Variants in SH3BP5 observed in about 807,000 individuals in gnomAD.
The protein encoded by SH3BP5 is SH3 domain binding protein 5, also known as SH3 domain-binding protein 5.
In SH3BP5, 22 loss-of-function variants were observed where a neutral mutation model predicts 43.3. That is an observed-to-expected ratio of 0.51 (90% CI 0.36 to 0.73). The LOEUF is 0.73. Among genes scored for constraint, SH3BP5 ranks in the 30% least tolerant of loss-of-function variants. The pLI is 0.00. For missense variants in SH3BP5, 529 were observed against 586.9 expected, an observed-to-expected ratio of 0.90 and a Z score of 1.02; for synonymous variants, 255 against 225.8, an observed-to-expected ratio of 1.13 and a Z score of -1.16.
chr3:15,298,756 T>C (rs1052579250), intron 3 of SH3BP5, among the ~76,000 whole-genome samples: 1 of 152,140 alleles, frequency 6.6e-6, no homozygotes, highest in Non-Finnish European at 1.5e-5. Flanking sequence ...GTAGTCAAAT[T>C]CATAGAAATA....
chr3:15,303,996 T>C (rs2125111353), intron 3 of SH3BP5, 107 bp downstream of exon 3: 2 of 880,904 alleles, frequency 2.3e-6, no homozygotes, highest in East Asian at 5.0e-5. Flanking sequence ...TTAAGACATA[T>C]TGGACTCGAG....
chr3:15,331,909 C>A (rs1279527239), intron 1 of SH3BP5: 1 of 206,944 alleles, frequency 4.8e-6, no homozygotes, highest in Non-Finnish European at 9.8e-6. Context: ...GGACGCCGTG[C>A]CATGCCCGCG....
intron 3 of SH3BP5, 89 bp downstream of exon 3, chr3:15,304,014 C>G: frequency 9.1e-7 from 1 of 1,104,224 alleles, no homozygotes. Flanking sequence ...GAGCTTCTAA[C>G]CTTCAGCAGG....
intron 3 of SH3BP5, among the ~76,000 whole-genome samples, chr3:15,283,745 C>T (rs1052557775): frequency 4.6e-5 from 7 of 152,186 alleles, no homozygotes; most frequent in Non-Finnish European, 1.0e-4. Context: ...GGATAGAGCA[C>T]TTTCAAGGAG....
chr3:15,331,987 G>T (rs1215630018), intron 1 of SH3BP5: 1 of 383,448 alleles, frequency 2.6e-6, no homozygotes, highest in Non-Finnish European at 4.7e-6. Context: ...TCCCTTTGTT[G>T]CACATCCACC....
At position 15,291,027 on chromosome 3, in the gene SH3BP5, C is replaced by T. The variant is rs953891218; in HGVS notation, c.330+13076G>A. 3.9e-5 allele frequency among the ~76,000 whole-genome samples: 6 copies of T among 152,086 alleles called. No individual in the cohort carries two copies. The East Asian group carries it at 7.7e-4, about 20-fold the overall frequency. ...TGATGTGGCCTCCCATGAAGCCCTT[C>T]GGAATTCTACCGGGAGCTGACCAGC... On this transcript the variant is annotated intron_variant, in intron 3 of 8. Transcript: ENST00000383791.
At chr3:15,320,529 G>A (rs567384315) in intron 2 of SH3BP5, among the ~76,000 whole-genome samples, 50 of 151,366 alleles carry the variant, frequency 3.3e-4, no homozygotes, top group African/African-American at 1.2e-3. Flanking sequence ...AACTCTCAAA[G>A]AGAAGGGCTG....
At chr3:15,273,851 A>G (rs1484791663) in intron 3 of SH3BP5, among the ~76,000 whole-genome samples, 1 of 152,140 alleles carries the variant, frequency 6.6e-6, no homozygotes, top group Admixed American at 6.5e-5. Flanking sequence ...GTTTGTGCCC[A>G]CCCAAATTTA....
At chr3:15,259,875 C>T in intron 5 of SH3BP5, 72 bp from the exon 6 acceptor site, 1 of 1,374,310 alleles carries the variant, frequency 7.3e-7, no homozygotes, top group Non-Finnish European at 1.0e-6. Context: ...ACAAGATGAA[C>T]AAGAGGCATC....
At chr3:15,302,954 G>A (rs957266317) in intron 3 of SH3BP5, among the ~76,000 whole-genome samples, 11 of 151,864 alleles carry the variant, frequency 7.2e-5, no homozygotes, top group Non-Finnish European at 1.3e-4. Context: ...GATTACAGGC[G>A]CCCACCACCA....
intron 3 of SH3BP5, among the ~76,000 whole-genome samples, chr3:15,283,147 C>T (rs1014904773): frequency 1.3e-5 from 2 of 152,196 alleles, no homozygotes; most frequent in Non-Finnish European, 2.9e-5. Flanking sequence ...CCTGTAATCT[C>T]AGCACTTTGG....
chr3:15,269,274 G>A (rs1440163119), intron 4 of SH3BP5, among the ~76,000 whole-genome samples: 1 of 152,074 alleles, frequency 6.6e-6, no homozygotes, highest in Non-Finnish European at 1.5e-5. Flanking sequence ...GGTCTAATCC[G>A]CCATGACCCC....
At chr3:15,265,560 A>ACACACACACACACC (rs71045145) in intron 4 of SH3BP5, among the ~76,000 whole-genome samples, 1 of 131,698 alleles carries the variant, frequency 7.6e-6, no homozygotes, top group African/African-American at 2.8e-5. Context: ...ACACACACAC[A>ACACACACACACACC]ACCCTCCAGC....
intron 2 of SH3BP5, among the ~76,000 whole-genome samples, chr3:15,323,654 T>C: frequency 6.6e-6 from 1 of 152,200 alleles, no homozygotes; most frequent in Non-Finnish European, 1.5e-5. Flanking sequence ...GATTTCAGCC[T>C]GTATCACCTG....
In SH3BP5 at chr3:15,257,110, G is replaced by C. The variant is rs1237033568; in HGVS notation, c.893C>G (p.Ala298Gly). The change falls in exon 8 of 9, where the codon GCC (alanine) becomes GGC (glycine). Residue 298 changes from alanine (A) to glycine (G), a missense_variant. Around this residue, in one of 3 missense-constraint regions of SH3BP5, gnomAD observed 369 missense variants for 384.3 expected, o/e 0.96. Transcript: ENST00000383791. ...GCTGTCATCTTCAAAGGCCTCCGAG[G>C]CCACTAAGTTGAGAGAGAACACCAG... ...SKPEPDAISV[A>G]SEAFEDDSCS... 1.2e-6 allele frequency: 2 copies of C among 1,613,242 alleles called. No homozygotes were observed. Among genetic ancestry groups the C allele is most frequent in the Non-Finnish European group, 1.7e-6 (2 of 1,179,438 alleles).
upstream of SH3BP5, chr3:15,332,655 C>T (rs934839563): frequency 7.2e-5 from 84 of 1,158,680 alleles, no homozygotes; most frequent in Non-Finnish European, 8.8e-5. Context: ...CCCGTCCCGC[C>T]CCGGCCTCGC....
intron 2 of SH3BP5, among the ~76,000 whole-genome samples, chr3:15,305,951 G>A (rs991944061): frequency 1.3e-5 from 2 of 151,872 alleles, no homozygotes; most frequent in African/African-American, 2.4e-5. Flanking sequence ...CCTATTGGAA[G>A]GGATCAGGTC....
upstream of SH3BP5, among the ~76,000 whole-genome samples, chr3:15,335,041 G>A (rs1406879883): frequency 5.3e-5 from 8 of 151,972 alleles, no homozygotes; most frequent in Admixed American, 5.2e-4. Context: ...GGGAGGCCGA[G>A]GCAGGAGAGA....
Position 15,269,864 on chromosome 3 carries a change from G to C in SH3BP5, c.344C>G (p.Ala115Gly), listed in dbSNP as rs563821540. 1 of 1,553,006 alleles carries C rather than the reference G, an allele frequency of 6.4e-7. No individual in the cohort carries two copies. The highest frequency in any genetic ancestry group is 8.7e-7 in the Non-Finnish European group (1 of 1,144,944). ...RRVARQAQLE[A>G]QKATQDFQRA... ...CTGGAAGTCCTGCGTGGCTTTCTGA[G>C]CTTCCAGCTGAGCCTGTGTGAGAAA... Residue 115 changes from alanine to glycine, a missense_variant, in exon 4 of 9, where the codon GCT (alanine) becomes GGT (glycine). By Grantham distance (60) the Ala-to-Gly change is moderately conservative. Transcript: ENST00000383791.
Sources: gnomAD v4.1 joint callset for allele counts (sites outside exome capture counted in the v4.1 genomes callset) on GRCh38, gnomAD v4.1.1 for gene constraint, gnomAD v4.1.1 regional missense constraint, MANE v1.5 for transcripts, NCBI Gene and HGNC (gene_info 2026-07-23, HGNC 2026-07-21) for gene names.